RNGTT: variants seen among roughly 807,000 people sequenced by gnomAD.
RNGTT encodes the protein mRNA-capping enzyme.
In RNGTT, 33 loss-of-function variants were observed where a neutral mutation model predicts 79.3. The observed-to-expected ratio is 0.42, with a 90% CI of 0.32 to 0.56. The LOEUF is 0.56. Ranked by LOEUF, RNGTT falls within the 20% of genes least tolerant of loss-of-function variation. The pLI is 0.17. For missense variants in RNGTT, 497 were observed against 739.1 expected, an observed-to-expected ratio of 0.67 and a Z score of 3.80; for synonymous variants, 222 against 235.9, an observed-to-expected ratio of 0.94 and a Z score of 0.54.
intron 12 of RNGTT, among the ~76,000 whole-genome samples, chr6:88,797,154 A>ACGTCCT (rs1414700906): frequency 6.6e-6 from 1 of 152,180 alleles, no homozygotes; most frequent in African/African-American, 2.4e-5. Context: ...ATATTTAAGA[A>ACGTCCT]CGTCCTGGCA....
At chr6:88,894,153 G>A (rs373127672) in intron 6 of RNGTT, among the ~76,000 whole-genome samples, 1 of 152,130 alleles carries the variant, frequency 6.6e-6, no homozygotes, top group Non-Finnish European at 1.5e-5. Context: ...AGCTTTGCAC[G>A]TGCTGATACT....
At chr6:88,930,101 T>C (rs1322533391) in intron 2 of RNGTT, among the ~76,000 whole-genome samples, 2 of 128,172 alleles carry the variant, frequency 1.6e-5, no homozygotes, top group African/African-American at 6.1e-5. Context: ...TATACGTATA[T>C]ACATATACGT....
At chr6:88,937,580 C>A (rs1265681833) in intron 2 of RNGTT, among the ~76,000 whole-genome samples, 1 of 149,342 alleles carries the variant, frequency 6.7e-6, no homozygotes, top group Non-Finnish European at 1.5e-5. Context: ...TTTATTATTT[C>A]TTTCCTTCTA....
chr6:88,911,323 G>C (rs1783825205), intron 4 of RNGTT, among the ~76,000 whole-genome samples: 1 of 152,182 alleles, frequency 6.6e-6, no homozygotes. Context: ...AAAAAGAGCA[G>C]GGGTTGCTAT....
At chr6:88,777,381 A>G (rs6935348) in intron 12 of RNGTT, among the ~76,000 whole-genome samples, 28 of 152,292 alleles carry the variant, frequency 1.8e-4, no homozygotes, top group African/African-American at 6.7e-4. Context: ...TTCTGTAAAA[A>G]ATGTCATTGG....
intron 13 of RNGTT, among the ~76,000 whole-genome samples, chr6:88,694,984 C>T (rs888541194): frequency 2.0e-5 from 3 of 152,004 alleles, no homozygotes; most frequent in African/African-American, 7.2e-5. Context: ...TTATAAATTG[C>T]CCAGTCTGTG....
intron 13 of RNGTT, among the ~76,000 whole-genome samples, chr6:88,715,746 A>G (rs1475354587): frequency 5.9e-5 from 9 of 152,256 alleles, no homozygotes; most frequent in South Asian, 2.1e-4. Flanking sequence ...ATGGTGCTGG[A>G]AAAACTGGCT....
intron 4 of RNGTT, among the ~76,000 whole-genome samples, chr6:88,906,731 A>G (rs1358418426): frequency 6.6e-6 from 1 of 152,216 alleles, no homozygotes; most frequent in Non-Finnish European, 1.5e-5. Flanking sequence ...AAGCATTTTA[A>G]ATAAGGAGGT....
At chr6:88,638,616 C>A (rs933430690) in intron 14 of RNGTT, among the ~76,000 whole-genome samples, 14 of 152,010 alleles carry the variant, frequency 9.2e-5, no homozygotes, top group Non-Finnish European at 7.4e-5. Flanking sequence ...ACAAAGCTGG[C>A]ATCTTAATCA....
At chr6:88,828,678 G>A (rs893504141) in intron 11 of RNGTT, among the ~76,000 whole-genome samples, 2 of 151,950 alleles carry the variant, frequency 1.3e-5, no homozygotes, top group Non-Finnish European at 2.9e-5. Context: ...AGAATAACCA[G>A]TTTAGAGAAC....
At chr6:88,656,025 AACATATCT>A (rs1773963770) in intron 14 of RNGTT, among the ~76,000 whole-genome samples, 1 of 152,228 alleles carries the variant, frequency 6.6e-6, no homozygotes, top group African/African-American at 2.4e-5. Flanking sequence ...ATTAAACTAG[AACATATCT>A]ACAAAAATAA....
intron 13 of RNGTT, among the ~76,000 whole-genome samples, chr6:88,696,639 G>T (rs867934264): frequency 7.3e-6 from 1 of 137,524 alleles, no homozygotes; most frequent in Non-Finnish European, 1.6e-5. Context: ...CACACAAAAT[G>T]TGTAAAGTGC....
intron 14 of RNGTT, among the ~76,000 whole-genome samples, chr6:88,624,823 T>G (rs547201320): frequency 2.6e-5 from 4 of 151,688 alleles, no homozygotes; most frequent in Non-Finnish European, 5.9e-5. Context: ...AAATCACATA[T>G]CTGACAGAGA....
intron 11 of RNGTT, among the ~76,000 whole-genome samples, chr6:88,841,371 G>C (rs1781282681): frequency 6.6e-6 from 1 of 152,192 alleles, no homozygotes. Flanking sequence ...ATTACTTACA[G>C]CTAATATCAT....
chr6:88,778,088 T>C (rs555355784), intron 12 of RNGTT, among the ~76,000 whole-genome samples: 3 of 152,324 alleles, frequency 2.0e-5, no homozygotes, highest in East Asian at 3.9e-4. Flanking sequence ...TGGTATATCA[T>C]ATTGATTGAT....
intron 13 of RNGTT, among the ~76,000 whole-genome samples, chr6:88,768,139 AGTGTGTGTGTGT>A (rs71021394): frequency 6.7e-6 from 1 of 148,820 alleles, no homozygotes; most frequent in African/African-American, 2.5e-5. Flanking sequence ...ATTTAGGGAT[AGTGTGTGTGTGT>A]GTGTGTGTGT....
intron 11 of RNGTT, among the ~76,000 whole-genome samples, chr6:88,843,442 G>A (rs186542264): frequency 1.3e-5 from 2 of 151,260 alleles, no homozygotes; most frequent in East Asian, 3.9e-4. Context: ...CAAATAACAT[G>A]GCAAATCTCT....
chr6:88,799,700 CAAAAAAAAAA>C (rs36033019), intron 12 of RNGTT, among the ~76,000 whole-genome samples: 7 of 46,236 alleles, frequency 1.5e-4, no homozygotes, highest in Admixed American at 2.4e-4. Context: ...AACTCCATCT[CAAAAAAAAAA>C]AAAAAAAAAA....
chr6:88,646,664 TA>T, intron 14 of RNGTT, among the ~76,000 whole-genome samples: 1 of 152,246 alleles, frequency 6.6e-6, no homozygotes, highest in South Asian at 2.1e-4. Flanking sequence ...TATGCAGCCA[TA>T]AAAAATGATG....
Sources: allele counts gnomAD v4.1 joint callset (sites outside exome capture counted in the v4.1 genomes callset), GRCh38; gene constraint gnomAD v4.1.1; transcripts MANE v1.5; gene names NCBI Gene and HGNC (gene_info 2026-07-23, HGNC 2026-07-21).